Variants in HSH2D observed in about 807,000 individuals in gnomAD.
HSH2D encodes the protein hematopoietic SH2 domain containing.
HSH2D carries 16 observed loss-of-function variants against 21.5 expected under a neutral mutation model. The ratio of observed to expected loss-of-function variants is 0.74; its 90% CI spans 0.50 to 1.13. The LOEUF is 1.13. Ranked by LOEUF, HSH2D falls within the 50% of genes most tolerant of loss-of-function variation. The pLI is 0.00. For missense variants in HSH2D, 418 were observed against 441.4 expected, an observed-to-expected ratio of 0.95 and a Z score of 0.47; for synonymous variants, 172 against 184.7, an observed-to-expected ratio of 0.93 and a Z score of 0.56.
intron 2 of HSH2D, chr19:16,151,337 A>AGGAGGGGAAATGGGTGTATTT (rs2091146466): frequency 3.8e-6 from 1 of 260,926 alleles, no homozygotes; most frequent in African/African-American, 2.3e-5. Flanking sequence ...AAAAAAAAAA[A>AGGAGGGGAAATGGGTGTATTT]AAAAAGAGAG....
intron 1 of HSH2D, among the ~76,000 whole-genome samples, chr19:16,144,276 T>C (rs2091033517): frequency 1.3e-5 from 2 of 151,434 alleles, no homozygotes; most frequent in African/African-American, 4.9e-5. Flanking sequence ...ATAAAGACAC[T>C]CTAGCTCCAT....
chr19:16,139,183 A>C (rs2090983439), upstream of HSH2D, among the ~76,000 whole-genome samples: 1 of 152,228 alleles, frequency 6.6e-6, no homozygotes, highest in Non-Finnish European at 1.5e-5. Flanking sequence ...CTTCATCTGC[A>C]GCATCTAGCA....
At position 16,157,644 on chromosome 19, in the gene HSH2D, C is replaced by T. The variant is rs778640228; in HGVS notation, c.909C>T (p.Thr303=). 3.1e-6 allele frequency: 5 copies of T among 1,613,552 alleles called. No individual in the cohort carries two copies. In the South Asian group the frequency reaches 5.5e-5, roughly 18 times the overall value. ...AERSVSCIEV[T]PGDRSWHQMV... is the part of the protein sequence containing the mutation. ...GGTCGGTCAGCTGCATTGAGGTGAC[C>T]CCAGGGGACAGGAGTTGGCACCAAA... The change falls in exon 6 of 6, where the codon ACC becomes ACT. Residue 303 remains threonine (T), a synonymous_variant. Coordinates refer to ENST00000613986, the MANE Select transcript of HSH2D (RefSeq NM_001382417.1). The surrounding 1 kb of genome is among the most constrained non-coding windows in gnomAD (Gnocchi z 4.4).
intron 1 of HSH2D, among the ~76,000 whole-genome samples, chr19:16,144,634 A>T (rs2145024464): frequency 6.6e-6 from 1 of 151,598 alleles, no homozygotes; most frequent in Admixed American, 6.6e-5. Flanking sequence ...CACAGCGGCT[A>T]AGTGGGCGAG....
At chr19:16,147,325 A>C (rs936112010) in intron 1 of HSH2D, among the ~76,000 whole-genome samples, 6 of 151,484 alleles carry the variant, frequency 4.0e-5, no homozygotes, top group Admixed American at 3.9e-4. Flanking sequence ...TCTCTACAAA[A>C]ATACAAAAAT....
chr19:16,146,866 C>T (rs961745223), intron 1 of HSH2D, among the ~76,000 whole-genome samples: 7 of 151,628 alleles, frequency 4.6e-5, no homozygotes, highest in African/African-American at 1.5e-4. Context: ...CACTCTGCCC[C>T]CCAGGCTGGA....
rs149551706 is a variant in HSH2D, at chr19:16,154,923, G to T, written c.474+432G>T. On this transcript the variant is annotated intron_variant, in intron 5 of 5. Coordinates refer to ENST00000613986, the MANE Select transcript of HSH2D (RefSeq NM_001382417.1). ...CACATTACCCTGTTTATTCACTGCA[G>T]CGGACTTCCCAAAAGTGTTCCTCAA... 2.5e-3 allele frequency: 399 copies of T among 158,788 alleles called. 2 individuals carry two copies. Among genetic ancestry groups the T allele is most frequent in the African/African-American group, 9.3e-3 (387 of 41,640 alleles). The allele number at this position is 158,788 out of a possible 1,614,324, so 9.8% of individuals were successfully genotyped here.
At chr19:16,142,979 G>A (rs564264064), upstream of HSH2D, among the ~76,000 whole-genome samples, 2 of 151,398 alleles carry the variant, frequency 1.3e-5, no homozygotes, top group Admixed American at 1.3e-4. Context: ...ATGTTGGCCA[G>A]CCTGGTCTCA....
chr19:16,145,361 A>G (rs532779172), intron 1 of HSH2D, among the ~76,000 whole-genome samples: 12 of 152,082 alleles, frequency 7.9e-5, no homozygotes, highest in African/African-American at 2.4e-4. Context: ...TACAGGGGTG[A>G]GCCACCTTGC....
intron 1 of HSH2D, among the ~76,000 whole-genome samples, chr19:16,136,584 A>T (rs908731983): frequency 6.6e-6 from 1 of 152,200 alleles, no homozygotes; most frequent in African/African-American, 2.4e-5. Context: ...GCAGACATAG[A>T]TAAGCGAGCT....
At chr19:16,139,612 A>G (rs1414279360), upstream of HSH2D, 1 of 152,278 alleles carries the variant, frequency 6.6e-6, no homozygotes, top group African/African-American at 2.4e-5. Flanking sequence ...CAGTGTTGGC[A>G]GAGCCTAAGG....
chr19:16,155,131 C>T (rs541967482), intron 5 of HSH2D, among the ~76,000 whole-genome samples: 4 of 152,144 alleles, frequency 2.6e-5, no homozygotes, highest in Non-Finnish European at 5.9e-5. Context: ...GAATGTATCA[C>T]AGCATCTTGG....
upstream of HSH2D, among the ~76,000 whole-genome samples, chr19:16,142,526 A>C (rs113192314): frequency 7.2e-3 from 1,067 of 148,214 alleles, 10 homozygotes; most frequent in African/African-American, 0.024. Context: ...TGCAGTGGTG[A>C]GATCTCAGCA....
In HSH2D at chr19:16,157,146, T is replaced by G; in HGVS notation, c.475-64T>G. ...TCTGGGTGGAACCCAGGCTCCAATTTCTGGGACAGACATGGTGCTCTGGTG... is the reference window on the plus strand; with the variant it reads ...TCTGGGTGGAACCCAGGCTCCAATTGCTGGGACAGACATGGTGCTCTGGTG... On this transcript the variant is annotated intron_variant, in intron 5 of 5. Transcript: ENST00000613986. The surrounding 1 kb of genome is among the most constrained non-coding windows in gnomAD (Gnocchi z 4.4). The G allele has an allele frequency of 1.4e-6, 2 of 1,385,594 alleles. No individual in the cohort carries two copies. Among genetic ancestry groups the G allele is most frequent in the South Asian group, 2.9e-5 (2 of 69,060 alleles). The allele number at this position is 1,385,594 out of a possible 1,614,324, so 85.8% of individuals were successfully genotyped here.
chr19:16,137,020 C>T (rs1833510528), intron 1 of HSH2D, among the ~76,000 whole-genome samples: 1 of 152,184 alleles, frequency 6.6e-6, no homozygotes, highest in Admixed American at 6.5e-5. Context: ...TTCTCTTAAC[C>T]TCACTCTTGT....
Position 16,157,462 on chromosome 19 carries a change from T to C in HSH2D, c.727T>C (p.Ser243Pro), listed in dbSNP as rs749476072. 1 of 1,613,810 alleles carries C rather than the reference T, an allele frequency of 6.2e-7. No individual in the cohort carries two copies. The highest frequency in any genetic ancestry group is 8.5e-7 in the Non-Finnish European group (1 of 1,179,874). ...LLDVRRSTVISGPGTGKGSQD... is the reference protein window; with the variant it reads ...LLDVRRSTVIPGPGTGKGSQD... ...GGATGTCCGGAGATCCACGGTGATC[T>C]CAGGCCCTGGGACCGGAAAAGGCAG... The change falls in exon 6 of 6, where the codon TCA (serine) becomes CCA (proline). Residue 243 changes from serine to proline, a missense_variant. Physicochemically the swap from Ser to Pro is moderately conservative, Grantham distance 74. Transcript: ENST00000613986. This position sits in a 1 kb window ranked among gnomAD's most constrained non-coding sequence, Gnocchi z 4.4.
intron 2 of HSH2D, among the ~76,000 whole-genome samples, chr19:16,151,860 C>T (rs558904589): frequency 1.3e-5 from 2 of 148,804 alleles, no homozygotes; most frequent in South Asian, 2.1e-4. Flanking sequence ...AATCCCAGCA[C>T]TTTGGGAGGC....
intron 2 of HSH2D, chr19:16,151,674 G>C (rs531307551): frequency 1.3e-5 from 6 of 449,138 alleles, no homozygotes; most frequent in South Asian, 9.4e-5. Flanking sequence ...GATGGGAGGA[G>C]GTCTGGCCTG....
At chr19:16,137,576 CA>C (rs78977060) in intron 1 of HSH2D, among the ~76,000 whole-genome samples, 21,203 of 102,314 alleles carry the variant, frequency 0.21, 1,641 homozygotes, top group East Asian at 0.34. Context: ...GACTCCGTCT[CA>C]AAAAAAAAAA....
Sources: allele counts gnomAD v4.1 joint callset (sites outside exome capture counted in the v4.1 genomes callset), GRCh38; gene constraint gnomAD v4.1.1; non-coding constraint Gnocchi (gnomAD v3.1); transcripts MANE v1.5; gene names NCBI Gene and HGNC (gene_info 2026-07-23, HGNC 2026-07-21).